Variants in KYNU observed in about 807,000 individuals in gnomAD.
The protein encoded by KYNU is kynureninase.
A neutral mutation model predicts 59.2 loss-of-function variants in KYNU; 54 were observed. The observed-to-expected ratio is 0.91, with a 90% CI of 0.73 to 1.14. KYNU has a LOEUF of 1.14. KYNU is among the 50% of genes most tolerant of loss of function. The pLI is 0.00. For missense variants in KYNU, 567 were observed against 554.4 expected (o/e 1.02, Z -0.23); for synonymous variants, 177 against 192.0 (o/e 0.92, Z 0.65).
intron 10 of KYNU, among the ~76,000 whole-genome samples, chr2:143,004,735 C>T (rs1187781480): frequency 6.6e-6 from 1 of 152,048 alleles, no homozygotes; most frequent in African/African-American, 2.4e-5. Flanking sequence ...CATTTTTCCT[C>T]CCGAGCATAC....
intron 2 of KYNU, among the ~76,000 whole-genome samples, chr2:142,899,787 G>C (rs1682009644): frequency 6.6e-6 from 1 of 152,206 alleles, no homozygotes; most frequent in African/African-American, 2.4e-5. Flanking sequence ...GGATTGAAAT[G>C]TAGGCCTGAA....
intron 4 of KYNU, among the ~76,000 whole-genome samples, chr2:142,935,627 C>T (rs951678916): frequency 1.3e-5 from 2 of 152,072 alleles, no homozygotes; most frequent in East Asian, 1.9e-4. Context: ...GGAAATGAAC[C>T]GAGTCTTTTG....
rs149674877 is a variant in KYNU at position 142,984,663 on chromosome 2, AT to A, written c.730-418del. On this transcript the variant is annotated intron_variant, in intron 8 of 13. Coordinates refer to ENST00000264170, the MANE Select transcript of KYNU (RefSeq NM_003937.3). ...AAAAATATAGAATTAAGATATTGAGATTTAATGAAAATTGATCATTTTTACA... is the reference window on the plus strand; with the variant it reads ...AAAAATATAGAATTAAGATATTGAGATTAATGAAAATTGATCATTTTTACA... Among the ~76,000 whole-genome samples, 532 of 152,146 alleles carry A rather than the reference AT, an allele frequency of 3.5e-3. 4 individuals carry two copies. The highest frequency in any genetic ancestry group is 0.012 in the African/African-American group (507 of 41,540).
intron 11 of KYNU, among the ~76,000 whole-genome samples, chr2:143,030,550 G>A (rs1191225593): frequency 1.3e-5 from 2 of 152,072 alleles, no homozygotes; most frequent in African/African-American, 2.4e-5. Context: ...ATCAGGCTCA[G>A]TTCAGCCTTG....
chr2:143,047,852 C>CT lies in KYNU; in HGVS notation c.*5706dup, dbSNP rs61229238. On this transcript the variant is annotated 3_prime_UTR_variant, in exon 14 of 14. Coordinates refer to ENST00000264170, the MANE Select transcript of KYNU (RefSeq NM_003937.3). ...GGCATAAGCTGCCACTCCTGGACCTCTTTTTTTTTTTTTTTTTTTTTTTTT... is the reference window on the plus strand; with the variant it reads ...GGCATAAGCTGCCACTCCTGGACCTCTTTTTTTTTTTTTTTTTTTTTTTTTT... 0.017 allele frequency: 1,699 copies of CT among 100,322 alleles called. 196 individuals are homozygous for CT. The highest frequency in any genetic ancestry group is 0.023 in the East Asian group (74 of 3,264). 6.2% of individuals were successfully genotyped at this position (100,322 alleles called of 1,614,324 possible).
At position 143,051,487 on chromosome 2, in the gene KYNU, A is replaced by AT. The variant is rs1687264668; in HGVS notation, c.*9319dup. 1 of 152,078 alleles carries AT rather than the reference A, an allele frequency of 6.6e-6. No homozygotes were observed. The highest frequency in any genetic ancestry group is 1.5e-5 in the Non-Finnish European group (1 of 67,992). The allele number at this position is 152,078 out of a possible 1,614,324, so 9.4% of individuals were successfully genotyped here. On this transcript the variant is annotated 3_prime_UTR_variant, in exon 14 of 14. Coordinates refer to ENST00000264170, the MANE Select transcript of KYNU (RefSeq NM_003937.3). ...TTTTTATTTCATAGTGGTATTTTCAATTTTGTCTGGGATAATAAGATGTTT... is the reference window on the plus strand; with the variant it reads ...TTTTTATTTCATAGTGGTATTTTCAATTTTTGTCTGGGATAATAAGATGTTT...
intron 10 of KYNU, among the ~76,000 whole-genome samples, chr2:143,003,233 T>C (rs984558109): frequency 6.6e-6 from 1 of 152,198 alleles, no homozygotes; most frequent in African/African-American, 2.4e-5. Flanking sequence ...TAACTTAAGA[T>C]AGCTGTCCAA....
At chr2:143,003,284 C>CT (rs1685762974) in intron 10 of KYNU, among the ~76,000 whole-genome samples, 1 of 151,784 alleles carries the variant, frequency 6.6e-6, no homozygotes, top group Non-Finnish European at 1.5e-5. Flanking sequence ...TTCTTTACAG[C>CT]TGGGGGGGGT....
At chr2:142,901,912 G>A (rs575733528) in intron 2 of KYNU, among the ~76,000 whole-genome samples, 4 of 152,180 alleles carry the variant, frequency 2.6e-5, no homozygotes, top group Non-Finnish European at 2.9e-5. Flanking sequence ...GAGTGGTATA[G>A]GTTTGAACAA....
chr2:142,907,637 G>T (rs999486823), intron 2 of KYNU, among the ~76,000 whole-genome samples: 10 of 152,224 alleles, frequency 6.6e-5, no homozygotes, highest in East Asian at 3.8e-4. Context: ...CCCAAAGGGG[G>T]TTGCCACTCC....
At chr2:142,904,299 C>T (rs1209511081) in intron 2 of KYNU, among the ~76,000 whole-genome samples, 1 of 152,172 alleles carries the variant, frequency 6.6e-6, no homozygotes, top group Admixed American at 6.5e-5. Flanking sequence ...CTTTAGCAAG[C>T]AAGTTAGCAA....
At chr2:142,991,915 G>C (rs1283647605) in intron 10 of KYNU, among the ~76,000 whole-genome samples, 1 of 151,782 alleles carries the variant, frequency 6.6e-6, no homozygotes, top group Non-Finnish European at 1.5e-5. Flanking sequence ...AGTCCCCAAA[G>C]ATATAAGGAA....
In KYNU at chr2:143,048,191, T is replaced by C. The variant is rs1426681801; in HGVS notation, c.*6019T>C. Reference sequence around the variant, plus strand: ...TTTATTTTCCTCTGTTTTTCTTCTTTTGGATTTAGGGATGTGTGTGTGGAG... The same window carrying C: ...TTTATTTTCCTCTGTTTTTCTTCTTCTGGATTTAGGGATGTGTGTGTGGAG... On this transcript the variant is annotated 3_prime_UTR_variant, in exon 14 of 14. Transcript: ENST00000264170. 6.6e-6 allele frequency: 1 copy of C among 152,182 alleles called. No homozygotes were observed. Among genetic ancestry groups the C allele is most frequent in the African/African-American group, 2.4e-5 (1 of 41,426 alleles). The allele number at this position is 152,182 out of a possible 1,614,324, so 9.4% of individuals were successfully genotyped here.
At chr2:142,994,295 G>A (rs952926804) in intron 10 of KYNU, among the ~76,000 whole-genome samples, 1 of 151,932 alleles carries the variant, frequency 6.6e-6, no homozygotes. Flanking sequence ...CCAACACTGA[G>A]GCAGGCTAAC....
chr2:142,883,148 CTT>C (rs1573744368), intron 1 of KYNU, among the ~76,000 whole-genome samples: 1 of 142,062 alleles, frequency 7.0e-6, no homozygotes, highest in East Asian at 2.2e-4. Context: ...TCCCATTAAA[CTT>C]ATAAAATTTC....
intron 1 of KYNU, among the ~76,000 whole-genome samples, chr2:142,880,661 G>A (rs959050909): frequency 3.3e-5 from 5 of 152,172 alleles, no homozygotes; most frequent in Admixed American, 6.5e-5. Flanking sequence ...ATTTGATTAT[G>A]TACTCAGCTA....
intron 3 of KYNU, among the ~76,000 whole-genome samples, chr2:142,920,408 G>C (rs1233767183): frequency 2.6e-5 from 4 of 152,144 alleles, no homozygotes; most frequent in Non-Finnish European, 5.9e-5. Flanking sequence ...GAGTGTCCTT[G>C]CCTCTTGGAT....
intron 3 of KYNU, among the ~76,000 whole-genome samples, chr2:142,921,586 C>T (rs897121336): frequency 2.0e-5 from 3 of 151,992 alleles, no homozygotes; most frequent in Admixed American, 1.3e-4. Flanking sequence ...GGCAAGCGGA[C>T]CACAAAAGCC....
chr2:142,886,334 G>T (rs766593557), intron 2 of KYNU, among the ~76,000 whole-genome samples: 1 of 152,084 alleles, frequency 6.6e-6, no homozygotes, highest in South Asian at 2.1e-4. Context: ...AGCCATGAAG[G>T]TCAGCTAATA....
Sources: allele counts gnomAD v4.1 joint callset (sites outside exome capture counted in the v4.1 genomes callset), GRCh38; gene constraint gnomAD v4.1.1; transcripts MANE v1.5; gene names NCBI Gene and HGNC (gene_info 2026-07-23, HGNC 2026-07-21).